TXNDC16: variants seen among roughly 807,000 people sequenced by gnomAD.
TXNDC16 encodes thioredoxin domain containing 16, also known as thioredoxin domain-containing protein 16.
Under a neutral mutation model 85.6 loss-of-function variants are expected in TXNDC16, and 74 were observed. The ratio of observed to expected loss-of-function variants is 0.86; its 90% CI spans 0.72 to 1.05. The LOEUF is 1.05. Ranked by LOEUF, TXNDC16 falls within the 50% of genes least tolerant of loss-of-function variation. The pLI is 0.00. For synonymous variants in TXNDC16, 335 were observed against 326.5 expected, an observed-to-expected ratio of 1.03 and a Z score of -0.28; for missense variants, 959 against 947.0, an observed-to-expected ratio of 1.01 and a Z score of -0.17.
intron 18 of TXNDC16, among the ~76,000 whole-genome samples, chr14:52,447,108 G>T (rs918343539): frequency 6.6e-6 from 1 of 151,956 alleles, no homozygotes; most frequent in Non-Finnish European, 1.5e-5. Context: ...GGTTTTGGGG[G>T]GGCCACAATT....
chr14:52,502,521 A>G (rs2036683015), intron 9 of TXNDC16, among the ~76,000 whole-genome samples: 1 of 152,246 alleles, frequency 6.6e-6, no homozygotes, highest in Non-Finnish European at 1.5e-5. Flanking sequence ...AGGTAAAACC[A>G]CACTTAACTG....
chr14:52,454,649 CAA>C (rs34727206), intron 18 of TXNDC16, among the ~76,000 whole-genome samples: 11 of 60,386 alleles, frequency 1.8e-4, no homozygotes, highest in African/African-American at 6.4e-4. Context: ...ACTAAAAATA[CAA>C]AAAAAAAAAA....
intron 1 of TXNDC16, among the ~76,000 whole-genome samples, chr14:52,546,582 C>T (rs1338652116): frequency 6.6e-6 from 1 of 152,212 alleles, no homozygotes; most frequent in East Asian, 1.9e-4. Flanking sequence ...CCAGGCTTTA[C>T]AGTCTTCTGC....
intron 6 of TXNDC16, among the ~76,000 whole-genome samples, chr14:52,523,028 AT>A (rs1450330208): frequency 1.3e-5 from 2 of 152,148 alleles, no homozygotes; most frequent in African/African-American, 4.8e-5. Context: ...GATCCCTATG[AT>A]TTTTCCCAAT....
At chr14:52,436,266 A>G (rs1248561575) in intron 20 of TXNDC16, among the ~76,000 whole-genome samples, 5 of 152,258 alleles carry the variant, frequency 3.3e-5, no homozygotes, top group African/African-American at 1.2e-4. Context: ...GGTTCATGCT[A>G]TAACGTGGTT....
intron 6 of TXNDC16, among the ~76,000 whole-genome samples, chr14:52,529,754 TATA>T (rs1488302740): frequency 5.0e-5 from 6 of 119,046 alleles, no homozygotes; most frequent in South Asian, 2.4e-4. Flanking sequence ...ATATATTATA[TATA>T]ATACCTATTA....
At chr14:52,470,762 C>A in intron 14 of TXNDC16, 82 bp from the exon 15 acceptor site, 1 of 1,339,610 alleles carries the variant, frequency 7.5e-7, no homozygotes, top group South Asian at 1.5e-5. Flanking sequence ...TTTTCTATCC[C>A]ATTCTTATTT....
intron 16 of TXNDC16, among the ~76,000 whole-genome samples, chr14:52,462,601 A>C (rs1246833246): frequency 6.6e-6 from 1 of 152,178 alleles, no homozygotes; most frequent in Non-Finnish European, 1.5e-5. Context: ...GATTATAGGC[A>C]TGTGGAAATA....
rs547809519 is a variant in TXNDC16, at chr14:52,518,175, C to A, written c.514+997G>T. Among the ~76,000 whole-genome samples the A allele has an allele frequency of 2.6e-5, 4 of 152,190 alleles. No homozygotes were observed. In the East Asian group the frequency reaches 7.7e-4, roughly 29 times the overall value. On this transcript the variant is annotated intron_variant, in intron 7 of 20. Coordinates refer to ENST00000281741, the MANE Select transcript of TXNDC16 (RefSeq NM_020784.3). ...TACTGATCCATAAATGTTGAAGTATCTAATAGGTTCAGTCTTCTCTTTTCC... is the reference window on the plus strand; with the variant it reads ...TACTGATCCATAAATGTTGAAGTATATAATAGGTTCAGTCTTCTCTTTTCC...
At chr14:52,447,353 G>C (rs77662174) in intron 18 of TXNDC16, among the ~76,000 whole-genome samples, 1 of 152,130 alleles carries the variant, frequency 6.6e-6, no homozygotes, top group Non-Finnish European at 1.5e-5. Flanking sequence ...CCATCCTAAA[G>C]GGAAGAACAC....
chr14:52,536,755 A>T lies in TXNDC16; in HGVS notation c.356T>A (p.Leu119Ter), dbSNP rs1363322987. The T allele has an allele frequency of 6.2e-7, 1 of 1,612,014 alleles. No homozygotes were observed. Among genetic ancestry groups the T allele is most frequent in the Non-Finnish European group, 8.5e-7 (1 of 1,178,868 alleles). ...GGCGACAATGGCATTCACATCAAAC[A>T]AGGTGTCAGTAGGGAATTCTCTGAG... The part of the protein sequence containing the change: ...ILLREFPTDT[L>*]FDVNAIVAHV... Residue 119 changes from leucine to a stop codon, truncating the protein, a stop_gained, in exon 6 of 21, where the codon TTG (leucine) becomes TAG (stop). Coordinates refer to ENST00000281741, the MANE Select transcript of TXNDC16 (RefSeq NM_020784.3). LOFTEE classifies it high-confidence loss of function.
chr14:52,490,299 G>C, intron 11 of TXNDC16, 92 bp downstream of exon 11: 2 of 878,558 alleles, frequency 2.3e-6, no homozygotes, highest in South Asian at 5.4e-5. Context: ...ATAATTTACA[G>C]ATTTTTCTAT....
intron 14 of TXNDC16, among the ~76,000 whole-genome samples, chr14:52,475,929 C>A (rs1227589242): frequency 1.3e-5 from 2 of 152,156 alleles, no homozygotes; most frequent in Admixed American, 1.3e-4. Flanking sequence ...GTCCATTTAG[C>A]CCTTCTGCCA....
intron 8 of TXNDC16, 123 bp from the exon 9 acceptor site, chr14:52,511,513 C>A: frequency 1.8e-6 from 1 of 546,844 alleles, no homozygotes; most frequent in Non-Finnish European, 2.9e-6. Context: ...TTGGTAAAAG[C>A]CTGAAAGAGT....
chr14:52,470,313 TAAAG>T, intron 15 of TXNDC16, 140 bp from the exon 16 acceptor site: 2 of 919,384 alleles, frequency 2.2e-6, no homozygotes, highest in South Asian at 4.9e-5. Context: ...ATATTATTCT[TAAAG>T]AAAATCAGAC....
At chr14:52,442,305 C>T (rs576307130) in intron 18 of TXNDC16, among the ~76,000 whole-genome samples, 1 of 152,172 alleles carries the variant, frequency 6.6e-6, no homozygotes, top group Non-Finnish European at 1.5e-5. Context: ...TAGATAACCC[C>T]CAGCTGACAT....
rs758854359 is a variant in TXNDC16, at chr14:52,457,182, T to C, written c.1619-8A>G. ...CACTAAAATCTTCTTTTGCTATAAA[T>C]ACATAGAGAAGACAAAAATCTGAAA... On this transcript the variant is annotated splice_region_variant and splice_polypyrimidine_tract_variant and intron_variant, in intron 16 of 20. Transcript: ENST00000281741. The C allele has an allele frequency of 6.5e-7, 1 of 1,534,560 alleles. No homozygotes were observed. The highest frequency in any genetic ancestry group is 1.2e-5 in the South Asian group (1 of 81,514).
Position 52,457,171 on chromosome 14 carries a change from T to C in TXNDC16, c.1622A>G (p.Lys541Arg). ...GLFSPTMKTA[K>R]EDFSEAGNYL... ...GTTTCCTGCTTCACTAAAATCTTCT[T>C]TTGCTATAAATACATAGAGAAGACA... The change falls in exon 17 of 21, where the codon AAA becomes AGA. Residue 541 changes from lysine (K) to arginine (R), a missense_variant. By Grantham distance (26) the Lys-to-Arg change is conservative (BLOSUM62 2). Coordinates refer to ENST00000281741, the MANE Select transcript of TXNDC16 (RefSeq NM_020784.3). 1.9e-5 allele frequency: 30 copies of C among 1,576,082 alleles called. No homozygotes were observed. The highest frequency in any genetic ancestry group is 2.5e-5 in the Non-Finnish European group (29 of 1,161,092).
intron 5 of TXNDC16, among the ~76,000 whole-genome samples, chr14:52,537,188 C>T (rs111661302): frequency 1.1e-4 from 16 of 152,178 alleles, no homozygotes; most frequent in Non-Finnish European, 1.5e-4. Context: ...CCCACTTCTT[C>T]GGCCAAATCC....
Sources: gnomAD v4.1 joint callset for allele counts (sites outside exome capture counted in the v4.1 genomes callset) on GRCh38, gnomAD v4.1.1 for gene constraint, MANE v1.5 for transcripts, NCBI Gene and HGNC (gene_info 2026-07-23, HGNC 2026-07-21) for gene names.